AGBL4: variants seen among roughly 807,000 people sequenced by gnomAD.
The protein encoded by AGBL4 is AGBL carboxypeptidase 4.
In AGBL4, 58 loss-of-function variants were observed where a neutral mutation model predicts 66.4. The observed-to-expected ratio is 0.87, with a 90% CI of 0.71 to 1.09. The LOEUF (loss-of-function observed/expected upper bound fraction) is 1.09. Among genes scored for constraint, AGBL4 ranks in the 50% least tolerant of loss-of-function variants. AGBL4 has a pLI of 0.00. For missense variants in AGBL4, 579 were observed against 631.0 expected, an observed-to-expected ratio of 0.92 and a Z score of 0.88; for synonymous variants, 234 against 222.9, an observed-to-expected ratio of 1.05 and a Z score of -0.44.
intron 2 of AGBL4, among the ~76,000 whole-genome samples, chr1:49,792,405 A>G (rs962677286): frequency 2.0e-5 from 3 of 152,116 alleles, no homozygotes; most frequent in Non-Finnish European, 4.4e-5. Flanking sequence ...GGAGCAAATT[A>G]TAGATTATAT....
chr1:49,841,162 A>C (rs1268075623), intron 2 of AGBL4, among the ~76,000 whole-genome samples: 1 of 152,230 alleles, frequency 6.6e-6, no homozygotes, highest in Non-Finnish European at 1.5e-5. Context: ...AGGTTTCACA[A>C]TATCAACATA....
chr1:49,921,103 T>G (rs1652187242), intron 1 of AGBL4, among the ~76,000 whole-genome samples: 1 of 151,760 alleles, frequency 6.6e-6, no homozygotes. Flanking sequence ...GGTGGGAGTA[T>G]GGGGGAGGGA....
chr1:48,718,588 G>T (rs942191595), intron 6 of AGBL4, among the ~76,000 whole-genome samples: 1 of 152,170 alleles, frequency 6.6e-6, no homozygotes, highest in East Asian at 1.9e-4. Flanking sequence ...TGTATCAGGG[G>T]CTGGAATCTG....
At chr1:48,729,328 A>C (rs892482349) in intron 6 of AGBL4, among the ~76,000 whole-genome samples, 4 of 152,218 alleles carry the variant, frequency 2.6e-5, no homozygotes, top group Non-Finnish European at 5.9e-5. Flanking sequence ...GGGAACACAA[A>C]TATTCTGGAT....
chr1:49,321,910 C>A (rs911026050), intron 3 of AGBL4, among the ~76,000 whole-genome samples: 1 of 152,188 alleles, frequency 6.6e-6, no homozygotes, highest in Admixed American at 6.5e-5. Context: ...TGAGACCCTA[C>A]AGCTTTCTTT....
intron 6 of AGBL4, among the ~76,000 whole-genome samples, chr1:48,751,121 G>A (rs1267886648): frequency 6.6e-6 from 1 of 152,162 alleles, no homozygotes; most frequent in South Asian, 2.1e-4. Context: ...CTATAAGATA[G>A]GGGTGAAAGG....
chr1:49,758,591 C>A (rs754431043), intron 2 of AGBL4, among the ~76,000 whole-genome samples: 1 of 152,138 alleles, frequency 6.6e-6, no homozygotes, highest in Non-Finnish European at 1.5e-5. Context: ...TTAATGACTG[C>A]CCTGCTGGAT....
chr1:49,663,045 A>T (rs1646300269), intron 3 of AGBL4, among the ~76,000 whole-genome samples: 1 of 152,152 alleles, frequency 6.6e-6, no homozygotes. Context: ...GAAAACTGTC[A>T]ACTTAAGGCT....
intron 6 of AGBL4, among the ~76,000 whole-genome samples, chr1:48,842,895 T>C (rs945741890): frequency 2.0e-5 from 3 of 152,154 alleles, no homozygotes; most frequent in Non-Finnish European, 4.4e-5. Flanking sequence ...GAGGGCATTA[T>C]GCTAAGTGAA....
At chr1:49,648,960 C>CATTGACCATTGAATGAATTCTCATTCA (rs1645947602) in intron 3 of AGBL4, among the ~76,000 whole-genome samples, 1 of 152,064 alleles carries the variant, frequency 6.6e-6, no homozygotes, top group Non-Finnish European at 1.5e-5. Context: ...TCTCATTCTT[C>CATTGACCATTGAATGAATTCTCATTCA]ATTGACCTAA....
chr1:48,632,091 G>GAGTA (rs1359203282), intron 9 of AGBL4, among the ~76,000 whole-genome samples: 19 of 152,154 alleles, frequency 1.2e-4, no homozygotes, highest in Non-Finnish European at 2.1e-4. Context: ...GGAAAAAATG[G>GAGTA]AGTAAAAGAT....
chr1:48,667,098 T>C (rs1414725359), intron 6 of AGBL4, among the ~76,000 whole-genome samples: 1 of 152,240 alleles, frequency 6.6e-6, no homozygotes, highest in African/African-American at 2.4e-5. Flanking sequence ...AATCACCCTA[T>C]ATGGTTTTTA....
intron 5 of AGBL4, among the ~76,000 whole-genome samples, chr1:48,958,932 T>C (rs1480396267): frequency 6.6e-6 from 1 of 152,244 alleles, no homozygotes; most frequent in East Asian, 1.9e-4. Flanking sequence ...CAACCATCTG[T>C]ATTTTACTCA....
At chr1:49,882,932 CCAGA>C (rs1647563133) in intron 1 of AGBL4, among the ~76,000 whole-genome samples, 1 of 152,068 alleles carries the variant, frequency 6.6e-6, no homozygotes, top group South Asian at 2.1e-4. Context: ...AAATGTCCCA[CCAGA>C]CATTCAGGTA....
intron 2 of AGBL4, among the ~76,000 whole-genome samples, chr1:49,732,594 C>T (rs956087061): frequency 6.6e-6 from 1 of 151,594 alleles, no homozygotes; most frequent in African/African-American, 2.4e-5. Flanking sequence ...ATAAAATAAC[C>T]AAATGGAAAT....
intron 3 of AGBL4, among the ~76,000 whole-genome samples, chr1:49,336,448 C>T (rs1557850451): frequency 6.6e-6 from 1 of 152,226 alleles, no homozygotes; most frequent in East Asian, 1.9e-4. Flanking sequence ...CTCTCACGGA[C>T]ACAGTGAGCA....
intron 3 of AGBL4, among the ~76,000 whole-genome samples, chr1:49,603,950 AC>A (rs1645016165): frequency 6.6e-6 from 1 of 150,848 alleles, no homozygotes; most frequent in Admixed American, 6.6e-5. Context: ...ACACACACAC[AC>A]ACACACACAC....
chr1:49,011,714 A>C (rs1182921537), intron 5 of AGBL4, among the ~76,000 whole-genome samples: 2 of 152,166 alleles, frequency 1.3e-5, no homozygotes, highest in African/African-American at 4.8e-5. Flanking sequence ...AAAAGTGATG[A>C]GTTCATGTCC....
chr1:49,094,220 C>A (rs1327741183), intron 4 of AGBL4, among the ~76,000 whole-genome samples: 2 of 152,118 alleles, frequency 1.3e-5, no homozygotes, highest in Admixed American at 6.6e-5. Context: ...ATACTACCCC[C>A]CACTCCCCTA....
Sources: gnomAD v4.1 joint callset for allele counts (sites outside exome capture counted in the v4.1 genomes callset) on GRCh38, gnomAD v4.1.1 for gene constraint, MANE v1.5 for transcripts, NCBI Gene and HGNC (gene_info 2026-07-23, HGNC 2026-07-21) for gene names.